IGF1: variants seen among roughly 807,000 people sequenced by gnomAD.
The protein encoded by IGF1 is insulin-like growth factor 1.
A neutral mutation model predicts 13.8 loss-of-function variants in IGF1; 4 were observed. That is an observed-to-expected ratio of 0.29 (90% confidence interval 0.14 to 0.66). IGF1 has a LOEUF of 0.66. Among genes scored for constraint, IGF1 ranks in the 30% least tolerant of loss-of-function variants. The pLI is 0.78. For synonymous variants in IGF1, 76 were observed against 72.6 expected (o/e 1.05, Z -0.23); for missense variants, 124 against 188.5 (o/e 0.66, Z 2.00).
At chr12:102,452,243 C>A (rs1879018133) in intron 2 of IGF1, among the ~76,000 whole-genome samples, 1 of 105,812 alleles carries the variant, frequency 9.5e-6, no homozygotes, top group Non-Finnish European at 1.7e-5. Flanking sequence ...GCCTGGGCGA[C>A]AGAGCGAGAC....
chr12:102,444,297 G>A (rs895280571), intron 2 of IGF1, among the ~76,000 whole-genome samples: 3 of 151,488 alleles, frequency 2.0e-5, no homozygotes, highest in Non-Finnish European at 4.4e-5. Flanking sequence ...TTCTTTTCTA[G>A]GAAATGTACC....
intron 3 of IGF1, among the ~76,000 whole-genome samples, chr12:102,410,942 G>T (rs536999792): frequency 6.6e-6 from 1 of 152,268 alleles, no homozygotes; most frequent in South Asian, 2.1e-4. Context: ...AAGTAAACAT[G>T]CAGAATGCCA....
In IGF1 at chr12:102,453,743, C is replaced by G. The variant is rs1373250774; in HGVS notation, c.220+21900G>C. ...AAGAAGCAAAGAATAAATGTATGCT[C>G]TATAGAGCATGCTGTCAAGGTTGTC... On this transcript the variant is annotated intron_variant, in intron 2 of 3. Coordinates refer to ENST00000337514, the MANE Select transcript of IGF1 (RefSeq NM_000618.5). Among the ~76,000 whole-genome samples, 4 of 152,166 alleles carry G rather than the reference C, an allele frequency of 2.6e-5. No individual in the cohort carries two copies. In the East Asian group the frequency reaches 7.7e-4, roughly 29 times the overall value.
chr12:102,411,744 C>A (rs1034875371), intron 3 of IGF1, among the ~76,000 whole-genome samples: 1 of 152,190 alleles, frequency 6.6e-6, no homozygotes, highest in Non-Finnish European at 1.5e-5. Flanking sequence ...CCATTGTCAT[C>A]TTTTTTCCGG....
chr12:102,448,854 T>C (rs1878632956), intron 2 of IGF1, among the ~76,000 whole-genome samples: 1 of 151,992 alleles, frequency 6.6e-6, no homozygotes, highest in Non-Finnish European at 1.5e-5. Flanking sequence ...TGAGATACCA[T>C]CTCATGCCAG....
chr12:102,417,478 A>G (rs536041990), intron 3 of IGF1: 2 of 874,386 alleles, frequency 2.3e-6, no homozygotes, highest in Non-Finnish European at 2.8e-6. Context: ...AAAAATGCAT[A>G]TAGAAGCCTT....
intron 2 of IGF1, among the ~76,000 whole-genome samples, chr12:102,425,524 A>G (rs759122059): frequency 2.0e-5 from 3 of 152,130 alleles, no homozygotes; most frequent in Non-Finnish European, 4.4e-5. Flanking sequence ...AATCAAGTCA[A>G]TGTTTTTGTT....
At chr12:102,433,141 C>G (rs1038171972) in intron 2 of IGF1, among the ~76,000 whole-genome samples, 22 of 152,162 alleles carry the variant, frequency 1.4e-4, no homozygotes, top group Middle Eastern at 3.2e-3. Flanking sequence ...GTCATGATAT[C>G]CCTGACAATC....
At chr12:102,443,150 A>G (rs1423122062) in intron 2 of IGF1, among the ~76,000 whole-genome samples, 1 of 152,086 alleles carries the variant, frequency 6.6e-6, no homozygotes. Flanking sequence ...TAATTTCCCA[A>G]TAGCTATTTT....
Position 102,480,377 on chromosome 12 carries a change from C to G in IGF1, c.5G>C (p.Gly2Ala), listed in dbSNP as rs3730195. 1 of 1,613,444 alleles carries G rather than the reference C, an allele frequency of 6.2e-7. No homozygotes were observed. Among genetic ancestry groups the G allele is most frequent in the African/African-American group, 1.3e-5 (1 of 74,898 alleles). The change falls in exon 1 of 4, where the codon GGA becomes GCA. Residue 2 changes from glycine (G) to alanine (A), a missense_variant. This residue lies in a region of IGF1 where 99 missense variants were observed against 171.4 expected (regional missense o/e 0.58). Coordinates refer to ENST00000337514, the MANE Select transcript of IGF1 (RefSeq NM_000618.5). Reference protein sequence around the residue: MGKISSLPTQLF... With the variant: MAKISSLPTQLF... ...TTGGGTTGGAAGACTGCTGATTTTTCCCATTGCTTCTGAAGTACAAAGTCT... is the reference window on the plus strand; with the variant it reads ...TTGGGTTGGAAGACTGCTGATTTTTGCCATTGCTTCTGAAGTACAAAGTCT...
At chr12:102,411,898 G>A (rs1313085553) in intron 3 of IGF1, among the ~76,000 whole-genome samples, 1 of 152,178 alleles carries the variant, frequency 6.6e-6, no homozygotes, top group Non-Finnish European at 1.5e-5. Context: ...GCATTTGATG[G>A]GTTTTGCCTG....
chr12:102,479,217 T>C (rs1428337461), intron 1 of IGF1, among the ~76,000 whole-genome samples: 1 of 152,150 alleles, frequency 6.6e-6, no homozygotes, highest in Non-Finnish European at 1.5e-5. Context: ...AACAGCAGAA[T>C]CAGGTGCCTG....
intron 2 of IGF1, among the ~76,000 whole-genome samples, chr12:102,459,524 T>C (rs1211053270): frequency 6.6e-6 from 1 of 151,230 alleles, no homozygotes; most frequent in Non-Finnish European, 1.5e-5. Flanking sequence ...CAAAACAAAC[T>C]GTAAGGCTAC....
intron 2 of IGF1, among the ~76,000 whole-genome samples, chr12:102,458,976 C>T (rs1382933859): frequency 6.6e-6 from 1 of 152,080 alleles, no homozygotes; most frequent in African/African-American, 2.4e-5. Flanking sequence ...TCAATGACTA[C>T]AGCAAGTCAT....
chr12:102,473,455 C>T (rs1411713199), intron 2 of IGF1, among the ~76,000 whole-genome samples: 1 of 152,066 alleles, frequency 6.6e-6, no homozygotes, highest in East Asian at 1.9e-4. Flanking sequence ...ATAAGATTGT[C>T]CAGTTGACTA....
intron 2 of IGF1, among the ~76,000 whole-genome samples, chr12:102,459,447 A>C (rs1452667266): frequency 1.3e-5 from 2 of 152,004 alleles, no homozygotes; most frequent in African/African-American, 2.4e-5. Context: ...GATGAGGAGG[A>C]TCTAAATAGT....
At chr12:102,450,196 T>C (rs886836251) in intron 2 of IGF1, among the ~76,000 whole-genome samples, 1 of 152,200 alleles carries the variant, frequency 6.6e-6, no homozygotes, top group Non-Finnish European at 1.5e-5. Context: ...TTCTTTTTCC[T>C]CACTAAATTT....
chr12:102,460,176 T>C (rs1363767678), intron 2 of IGF1, among the ~76,000 whole-genome samples: 1 of 152,222 alleles, frequency 6.6e-6, no homozygotes, highest in Non-Finnish European at 1.5e-5. Flanking sequence ...TTGATTTTTA[T>C]ATTTCCAAAA....
chr12:102,441,445 C>T (rs766472329), intron 2 of IGF1, among the ~76,000 whole-genome samples: 4 of 152,310 alleles, frequency 2.6e-5, no homozygotes, highest in East Asian at 1.9e-4. Flanking sequence ...CTGCTTCCAG[C>T]GTTTTCCTGC....
Sources: allele counts gnomAD v4.1 joint callset (sites outside exome capture counted in the v4.1 genomes callset), GRCh38; gene constraint gnomAD v4.1.1; regional missense constraint gnomAD v4.1.1; transcripts MANE v1.5; gene names NCBI Gene and HGNC (gene_info 2026-07-23, HGNC 2026-07-21).